MAML3: variants seen among roughly 807,000 people sequenced by gnomAD.
MAML3 encodes mastermind like transcriptional coactivator 3.
In MAML3, 27 loss-of-function variants were observed where a neutral mutation model predicts 101.9. The ratio of observed to expected loss-of-function variants is 0.27; its 90% CI spans 0.20 to 0.37. MAML3 has a LOEUF of 0.37. Ranked by LOEUF, MAML3 falls within the 10% of genes least tolerant of loss-of-function variation. The pLI is 1.00. For synonymous variants in MAML3, 501 were observed against 555.9 expected, an observed-to-expected ratio of 0.90 and a Z score of 1.39; for missense variants, 1,316 against 1,444.9, an observed-to-expected ratio of 0.91 and a Z score of 1.45.
At chr4:139,725,180 C>T (rs1018458156) in intron 4 of MAML3, among the ~76,000 whole-genome samples, 3 of 152,204 alleles carry the variant, frequency 2.0e-5, no homozygotes, top group Non-Finnish European at 4.4e-5. Context: ...TTTAGGATTC[C>T]CGCAAACGGC....
At chr4:139,999,906 C>A (rs1734889352) in intron 1 of MAML3, among the ~76,000 whole-genome samples, 1 of 152,164 alleles carries the variant, frequency 6.6e-6, no homozygotes, top group African/African-American at 2.4e-5. Flanking sequence ...ATGTGGATTA[C>A]CAGGTACATT....
intron 2 of MAML3, among the ~76,000 whole-genome samples, chr4:139,755,862 C>A (rs187019731): frequency 6.6e-6 from 1 of 152,218 alleles, no homozygotes; most frequent in African/African-American, 2.4e-5. Context: ...TAAAAAAACC[C>A]CCTAACTCTG....
intron 1 of MAML3, among the ~76,000 whole-genome samples, chr4:140,094,216 C>T (rs146652936): frequency 1.5e-3 from 230 of 152,234 alleles, no homozygotes; most frequent in Admixed American, 3.1e-3. Context: ...AGAGAATGGA[C>T]CTGTCTTCCC....
intron 1 of MAML3, among the ~76,000 whole-genome samples, chr4:140,131,376 G>C (rs959520081): frequency 1.3e-5 from 2 of 152,160 alleles, no homozygotes; most frequent in African/African-American, 4.8e-5. Flanking sequence ...GGAGTAGAGG[G>C]AAGAGCTCTG....
At chr4:140,117,432 AT>A (rs760214056) in intron 1 of MAML3, among the ~76,000 whole-genome samples, 9 of 152,124 alleles carry the variant, frequency 5.9e-5, no homozygotes, top group Admixed American at 3.3e-4. Context: ...CTCTAACTAT[AT>A]AACTTTAAAA....
intron 2 of MAML3, among the ~76,000 whole-genome samples, chr4:139,815,970 C>T (rs1730885707): frequency 6.6e-6 from 1 of 152,070 alleles, no homozygotes; most frequent in Non-Finnish European, 1.5e-5. Flanking sequence ...CTCATTGTGT[C>T]GAATGGTAGA....
intron 2 of MAML3, among the ~76,000 whole-genome samples, chr4:139,772,051 A>C (rs1364526980): frequency 2.0e-5 from 3 of 151,050 alleles, no homozygotes; most frequent in Non-Finnish European, 3.0e-5. Flanking sequence ...CATCCTGGCT[A>C]ACACGGTGAA....
intron 1 of MAML3, among the ~76,000 whole-genome samples, chr4:140,151,573 G>A (rs980502580): frequency 1.3e-5 from 2 of 152,112 alleles, no homozygotes; most frequent in African/African-American, 2.4e-5. Context: ...CGCCCCTGCC[G>A]GGCTCTGCGC....
intron 1 of MAML3, among the ~76,000 whole-genome samples, chr4:140,130,155 T>C (rs939843652): frequency 6.6e-5 from 10 of 152,098 alleles, no homozygotes; most frequent in Admixed American, 2.6e-4. Flanking sequence ...TTAAACCAAA[T>C]AGGTACTCTT....
chr4:139,829,024 CGG>C (rs1731115844), intron 2 of MAML3, among the ~76,000 whole-genome samples: 1 of 69,136 alleles, frequency 1.4e-5, no homozygotes, highest in Non-Finnish European at 3.0e-5. Context: ...GAAGGAAGGA[CGG>C]ACGGACGGAC....
rs1338764114 is a variant in MAML3, at chr4:139,737,474, G to C, written c.2080-6807C>G. On this transcript the variant is annotated intron_variant, in intron 2 of 4. Transcript: ENST00000509479. ...GAATAAAAAGAAATGGGAAGGGGGTGGGGAGAGGAATGGGCATAGAATAAA... is the reference window on the plus strand; with the variant it reads ...GAATAAAAAGAAATGGGAAGGGGGTCGGGAGAGGAATGGGCATAGAATAAA... 2.0e-5 allele frequency among the ~76,000 whole-genome samples: 3 copies of C among 152,068 alleles called. No individual in the cohort carries two copies. In the South Asian group the frequency reaches 6.2e-4, roughly 32 times the overall value.
At chr4:139,968,937 A>G (rs1734187800) in intron 1 of MAML3, among the ~76,000 whole-genome samples, 1 of 151,994 alleles carries the variant, frequency 6.6e-6, no homozygotes, top group Admixed American at 6.6e-5. Context: ...TGCTGCCCCA[A>G]ACCTACCTGG....
intron 2 of MAML3, among the ~76,000 whole-genome samples, chr4:139,752,151 C>G (rs1027117114): frequency 6.6e-6 from 1 of 152,164 alleles, no homozygotes; most frequent in Non-Finnish European, 1.5e-5. Flanking sequence ...TAGGTTCTCC[C>G]TAATAATTCC....
intron 3 of MAML3, 126 bp from the exon 4 acceptor site, chr4:139,725,961 A>G: frequency 1.3e-6 from 1 of 745,712 alleles, no homozygotes; most frequent in South Asian, 1.7e-5. Context: ...GAAGAATCAT[A>G]TGCATACAGG....
chr4:139,902,524 C>G (rs1030680286), intron 1 of MAML3, among the ~76,000 whole-genome samples: 1 of 152,130 alleles, frequency 6.6e-6, no homozygotes, highest in Admixed American at 6.5e-5. Flanking sequence ...GATGAATCCC[C>G]CATGGATGAA....
Position 139,877,906 on chromosome 4 carries a change from T to C in MAML3, c.2079+11451A>G, listed in dbSNP as rs1000655937. Among the ~76,000 whole-genome samples, 5 of 152,328 alleles carry C rather than the reference T, an allele frequency of 3.3e-5. No homozygotes were observed. The East Asian group carries it at 9.6e-4, about 29-fold the overall frequency. ...TATACCATCCCAATATTTAATCTTA[T>C]GATCATAAATATTTGATTCATTTCC... is the stretch of plus-strand genomic sequence containing the variant. On this transcript the variant is annotated intron_variant, in intron 2 of 4. Transcript: ENST00000509479.
intron 1 of MAML3, among the ~76,000 whole-genome samples, chr4:140,022,849 G>A (rs541183936): frequency 6.6e-6 from 1 of 152,230 alleles, no homozygotes; most frequent in South Asian, 2.1e-4. Context: ...TTCAAATACA[G>A]GTCAAGATGG....
intron 1 of MAML3, among the ~76,000 whole-genome samples, chr4:140,071,981 G>A (rs1243341773): frequency 2.0e-5 from 3 of 152,102 alleles, no homozygotes; most frequent in African/African-American, 7.2e-5. Context: ...TGGACGTGGG[G>A]GAGGAAGGGG....
intron 1 of MAML3, 50 bp downstream of exon 1, chr4:140,152,810 C>CCCCCCCCCCA: frequency 6.4e-7 from 1 of 1,574,052 alleles, no homozygotes; most frequent in Non-Finnish European, 8.6e-7. Context: ...CCCCCACCAC[C>CCCCCCCCCCA]ACCACCACCC....
Sources: allele counts gnomAD v4.1 joint callset (sites outside exome capture counted in the v4.1 genomes callset), GRCh38; gene constraint gnomAD v4.1.1; transcripts MANE v1.5; gene names NCBI Gene and HGNC (gene_info 2026-07-23, HGNC 2026-07-21).